PPFIA2: variants seen among roughly 807,000 people sequenced by gnomAD.
The protein encoded by PPFIA2 is PPFI scaffold protein A2, also known as liprin-alpha-2.
In PPFIA2, 46 loss-of-function variants were observed where a neutral mutation model predicts 175.5. The ratio of observed to expected loss-of-function variants is 0.26; its 90% CI spans 0.21 to 0.34. The LOEUF (loss-of-function observed/expected upper bound fraction) is 0.34, where lower values mean the gene tolerates loss of function less well. Among genes scored for constraint, PPFIA2 ranks in the 10% least tolerant of loss-of-function variants. PPFIA2 has a pLI of 1.00. For synonymous variants in PPFIA2, 568 were observed against 511.4 expected, an observed-to-expected ratio of 1.11 and a Z score of -1.49; for missense variants, 1,179 against 1,506.1, an observed-to-expected ratio of 0.78 and a Z score of 3.60.
intron 7 of PPFIA2, among the ~76,000 whole-genome samples, chr12:81,419,175 A>G (rs2045839595): frequency 6.6e-6 from 1 of 152,032 alleles, no homozygotes; most frequent in Non-Finnish European, 1.5e-5. Context: ...TAGACAGTAT[A>G]AAGTACTGAT....
At chr12:81,354,933 GA>G (rs2060644358) in intron 16 of PPFIA2, among the ~76,000 whole-genome samples, 1 of 152,132 alleles carries the variant, frequency 6.6e-6, no homozygotes, top group Admixed American at 6.5e-5. Context: ...GTGAGCCATT[GA>G]ACCTGATCAA....
At chr12:81,354,437 T>C (rs1486011172) in intron 16 of PPFIA2, among the ~76,000 whole-genome samples, 1 of 152,158 alleles carries the variant, frequency 6.6e-6, no homozygotes, top group Non-Finnish European at 1.5e-5. Flanking sequence ...AAGAAACCAC[T>C]TTCTGTTCAT....
intron 7 of PPFIA2, among the ~76,000 whole-genome samples, chr12:81,435,628 T>C (rs1363353156): frequency 1.3e-5 from 2 of 151,944 alleles, no homozygotes; most frequent in East Asian, 3.9e-4. Context: ...TAATGATAGA[T>C]AGATGAGAGA....
intron 4 of PPFIA2, among the ~76,000 whole-genome samples, chr12:81,640,372 T>C (rs1450695641): frequency 3.3e-5 from 5 of 152,096 alleles, no homozygotes; most frequent in Non-Finnish European, 7.4e-5. Flanking sequence ...GAGCCAAAAC[T>C]CAGAACGACA....
intron 4 of PPFIA2, among the ~76,000 whole-genome samples, chr12:81,499,061 A>G (rs1467612393): frequency 1.3e-5 from 2 of 152,222 alleles, no homozygotes; most frequent in Non-Finnish European, 2.9e-5. Context: ...CAATACTATA[A>G]ACTAGCAGGT....
intron 3 of PPFIA2, among the ~76,000 whole-genome samples, chr12:81,692,371 A>G (rs2075358343): frequency 1.3e-5 from 2 of 152,230 alleles, no homozygotes; most frequent in Admixed American, 1.3e-4. Context: ...AAACCGTGCC[A>G]AATTCCTACC....
At chr12:81,729,744 AG>A (rs1288185360) in intron 3 of PPFIA2, among the ~76,000 whole-genome samples, 2 of 151,564 alleles carry the variant, frequency 1.3e-5, no homozygotes, top group African/African-American at 4.8e-5. Context: ...CTGCAGCAGA[AG>A]GAAAAGTAAG....
chr12:81,593,992 A>T (rs528723042), intron 4 of PPFIA2, among the ~76,000 whole-genome samples: 13 of 152,130 alleles, frequency 8.5e-5, no homozygotes, highest in Non-Finnish European at 1.3e-4. Flanking sequence ...CATTACTCAC[A>T]TTACCGCCTG....
chr12:81,622,862 T>C (rs2062223300), intron 4 of PPFIA2, among the ~76,000 whole-genome samples: 1 of 152,042 alleles, frequency 6.6e-6, no homozygotes. Flanking sequence ...ATAACCAGAG[T>C]CCTTTAGCAA....
At chr12:81,708,221 A>T (rs1291514510) in intron 3 of PPFIA2, among the ~76,000 whole-genome samples, 1 of 152,100 alleles carries the variant, frequency 6.6e-6, no homozygotes, top group Non-Finnish European at 1.5e-5. Context: ...AAAAAAAAAG[A>T]AATGTATAGT....
chr12:81,583,760 T>TC (rs1438274912), intron 4 of PPFIA2, among the ~76,000 whole-genome samples: 1 of 151,760 alleles, frequency 6.6e-6, no homozygotes, highest in African/African-American at 2.4e-5. Flanking sequence ...AGGCCTAGGG[T>TC]CCACAGTATG....
chr12:81,523,912 T>C (rs527607179), intron 4 of PPFIA2, among the ~76,000 whole-genome samples: 8 of 152,244 alleles, frequency 5.3e-5, no homozygotes, highest in East Asian at 1.9e-4. Flanking sequence ...CAATGAAAAA[T>C]TCTTAGAACA....
chr12:81,315,995 T>G (rs1309954257), intron 22 of PPFIA2, among the ~76,000 whole-genome samples: 1 of 151,708 alleles, frequency 6.6e-6, no homozygotes, highest in African/African-American at 2.4e-5. Flanking sequence ...GTTAATCATC[T>G]GCCTAGCAAA....
chr12:81,524,619 T>C (rs1469833875), intron 4 of PPFIA2, among the ~76,000 whole-genome samples: 1 of 152,182 alleles, frequency 6.6e-6, no homozygotes, highest in Non-Finnish European at 1.5e-5. Context: ...GTATCTTGAG[T>C]CTCATCCATA....
chr12:81,653,595 T>A (rs1163346470), intron 4 of PPFIA2, among the ~76,000 whole-genome samples: 3 of 152,072 alleles, frequency 2.0e-5, no homozygotes, highest in African/African-American at 7.2e-5. Flanking sequence ...CACCAGTCAT[T>A]AGATTTAGGG....
At chr12:81,563,938 TAGA>T (rs1567349089) in intron 4 of PPFIA2, among the ~76,000 whole-genome samples, 5 of 152,186 alleles carry the variant, frequency 3.3e-5, no homozygotes, top group African/African-American at 7.2e-5. Context: ...TATGGTATCA[TAGA>T]AGATGAGTCA....
rs1198431094 is a variant in PPFIA2 at position 81,375,672 on chromosome 12, A to G, written c.1131+124T>C. 5.9e-6 allele frequency: 6 copies of G among 1,015,860 alleles called. No homozygotes were observed. The Admixed American group carries it at 9.7e-5, about 16-fold the overall frequency. The allele number at this position is 1,015,860 out of a possible 1,614,324, so 62.9% of individuals were successfully genotyped here. A position where few individuals can be genotyped will look rare whatever the true frequency, so the allele number is the denominator to read the frequency against. Reference sequence around the variant, plus strand: ...AAAATCGTATTTGTTTTGCTAGAGAATTTCAAATTTTAGAGAATGATTACT... The same window carrying G: ...AAAATCGTATTTGTTTTGCTAGAGAGTTTCAAATTTTAGAGAATGATTACT... On this transcript the variant is annotated intron_variant, in intron 10 of 32. Coordinates refer to ENST00000549396, the MANE Select transcript of PPFIA2 (RefSeq NM_003625.5).
intron 4 of PPFIA2, among the ~76,000 whole-genome samples, chr12:81,636,793 C>T (rs1368598803): frequency 6.6e-6 from 1 of 151,994 alleles, no homozygotes; most frequent in East Asian, 1.9e-4. Flanking sequence ...GCTGGGATTA[C>T]AGGCATGTAC....
intron 4 of PPFIA2, among the ~76,000 whole-genome samples, chr12:81,658,965 T>C (rs909992845): frequency 1.7e-4 from 26 of 152,268 alleles, no homozygotes; most frequent in Middle Eastern, 3.4e-3. Flanking sequence ...GTTGAATATA[T>C]ATTAATATTT....
Sources: allele counts gnomAD v4.1 joint callset (sites outside exome capture counted in the v4.1 genomes callset), GRCh38; gene constraint gnomAD v4.1.1; transcripts MANE v1.5; gene names NCBI Gene and HGNC (gene_info 2026-07-23, HGNC 2026-07-21).